SH2B1: variants seen among roughly 807,000 people sequenced by gnomAD.
SH2B1 encodes SH2B adapter protein 1.
Under a neutral mutation model 62.6 loss-of-function variants are expected in SH2B1, and 15 were observed. That is an observed-to-expected ratio of 0.24 (90% CI 0.16 to 0.37). SH2B1 has a LOEUF of 0.37. Ranked by LOEUF, SH2B1 falls within the 10% of genes least tolerant of loss-of-function variation. The probability of loss-of-function intolerance (pLI) is 1.00; values close to 1 mark genes in which losing one functional copy is unlikely to be tolerated. For missense variants in SH2B1, 925 were observed against 1,015.6 expected (o/e 0.91, Z 1.21); for synonymous variants, 443 against 438.0 (o/e 1.01, Z -0.14).
At chr16:28,871,502 C>T (rs1037622033) in intron 4 of SH2B1, among the ~76,000 whole-genome samples, 5 of 152,206 alleles carry the variant, frequency 3.3e-5, no homozygotes, top group African/African-American at 7.2e-5. Flanking sequence ...TTCTGCTCTC[C>T]GTTTCTGCAA....
chr16:28,870,812 G>C (rs553798346), intron 4 of SH2B1, among the ~76,000 whole-genome samples: 1 of 152,028 alleles, frequency 6.6e-6, no homozygotes, highest in African/African-American at 2.4e-5. Flanking sequence ...GCGGCTTAAG[G>C]TGCTGGGACC....
At chr16:28,871,675 C>A in intron 4 of SH2B1, 105 bp from the exon 5 acceptor site, 1 of 892,176 alleles carries the variant, frequency 1.1e-6, no homozygotes, top group Non-Finnish European at 1.8e-6. Flanking sequence ...GGCATCTTGG[C>A]CAGCGACTGC....
rs377480680 is a variant in SH2B1 at position 28,873,197 on chromosome 16, G to A, written c.1898-250G>A. On this transcript the variant is annotated intron_variant, in intron 7 of 7. Coordinates refer to ENST00000684370, the MANE Select transcript of SH2B1 (RefSeq NM_001387430.1). The surrounding 1 kb of genome is among the most constrained non-coding windows in gnomAD (Gnocchi z 4.2). ...CGGGAGCAGGCTGGGAGCCATGCGG[G>A]GGTGTGCGAGGGAGATGGATGCCAC... The A allele has an allele frequency of 1.3e-6, 2 of 1,594,956 alleles. No individual in the cohort carries two copies. The highest frequency in any genetic ancestry group is 1.7e-6 in the Non-Finnish European group (2 of 1,174,924).
In SH2B1 at chr16:28,866,510, C is replaced by T. The variant is rs151165842; in HGVS notation, c.416C>T (p.Ser139Phe). ...LAGPLPSSVSSSSTTSSKPKL... is the reference protein window; with the variant it reads ...LAGPLPSSVSFSSTTSSKPKL... ...GGCCCCCTCCCTTCCTCAGTCTCTT[C>T]CTCCTCTACAACCTCCTCCAAGCCG... Residue 139 changes from serine (S) to phenylalanine (F), a missense_variant, in exon 1 of 8, where the codon TCC becomes TTC. Transcript: ENST00000684370. The surrounding 1 kb of genome is among the most constrained non-coding windows in gnomAD (Gnocchi z 6.3). The T allele has an allele frequency of 1.2e-6, 2 of 1,614,086 alleles. No individual in the cohort carries two copies. The highest frequency in any genetic ancestry group is 1.7e-6 in the Non-Finnish European group (2 of 1,180,022).
upstream of SH2B1, chr16:28,863,446 G>T: frequency 2.1e-6 from 1 of 477,276 alleles, no homozygotes; most frequent in South Asian, 2.9e-5. Flanking sequence ...CCTCCACAGC[G>T]GGGCCGGCGC....
At position 28,866,620 on chromosome 16, in the gene SH2B1, G is replaced by A. The variant is rs138441301; in HGVS notation, c.526G>A (p.Val176Ile). The A allele has an allele frequency of 1.6e-5, 26 of 1,613,658 alleles. 1 individual carries two copies. The highest frequency in any genetic ancestry group is 5.3e-5 in the African/African-American group (4 of 75,010). ...VRGILQWRGT[V>I]DPPSSAGPLE... Reference sequence around the variant, plus strand: ...TGGCATCCTGCAGTGGCGGGGGACCGTTGACCCTCCCTCCTCCGCTGGGCC... The same window carrying A: ...TGGCATCCTGCAGTGGCGGGGGACCATTGACCCTCCCTCCTCCGCTGGGCC... Residue 176 changes from valine to isoleucine, a missense_variant, in exon 1 of 8, where the codon GTT becomes ATT. This residue lies in a region of SH2B1 where 683 missense variants were observed against 704.0 expected (regional missense o/e 0.97). Transcript: ENST00000684370. This position sits in a 1 kb window ranked among gnomAD's most constrained non-coding sequence, Gnocchi z 6.3.
chr16:28,858,138 A>C (rs955511144), intron 1 of SH2B1, among the ~76,000 whole-genome samples: 2 of 152,134 alleles, frequency 1.3e-5, no homozygotes, highest in Admixed American at 6.5e-5. Context: ...CCAACCCTCT[A>C]ATCACAAGGT....
chr16:28,864,184 C>T lies in SH2B1; in HGVS notation c.-1911C>T, dbSNP rs1379471586. Reference sequence around the variant, plus strand: ...GGATCGGAGTATATGGACCACCGGGCCCGGAGGGTCCGAGCCGAGAGCGGA... The same window carrying T: ...GGATCGGAGTATATGGACCACCGGGTCCGGAGGGTCCGAGCCGAGAGCGGA... On this transcript the variant is annotated 5_prime_UTR_variant, in exon 1 of 8. Transcript: ENST00000684370. 3.6e-5 allele frequency: 38 copies of T among 1,061,672 alleles called. No individual in the cohort carries two copies. In the South Asian group the frequency reaches 8.1e-4, roughly 23 times the overall value. The allele number at this position is 1,061,672 out of a possible 1,614,324, so 65.8% of individuals were successfully genotyped here.
chr16:28,852,343 C>CATAT lies in SH2B1; in HGVS notation c.-301+5521_-301+5524dup, dbSNP rs371393867. 6.8e-5 allele frequency among the ~76,000 whole-genome samples: 2 copies of CATAT among 29,550 alleles called. 1 individual carries two copies. The allele number at this position is 29,550 out of a possible 152,430, so 19.4% of individuals were successfully genotyped here. A position where few individuals can be genotyped will look rare whatever the true frequency, so the allele number is the denominator to read the frequency against. ...ATATATATATTTACATATATATTTA[C>CATAT]ATATATATTTATATATATATTTATA... On this transcript the variant is annotated intron_variant, in intron 1 of 10. Transcript: ENST00000322610.
chr16:28,864,291 T>G lies in SH2B1; in HGVS notation c.-1804T>G. ...GGTGCACCGGGAAAATGTGTCTGAG[T>G]CCTGCTTGGCAGAAGAGAAACTGAG... On this transcript the variant is annotated 5_prime_UTR_variant, in exon 1 of 8. Transcript: ENST00000684370. The G allele has an allele frequency of 1.0e-6, 1 of 999,236 alleles. No individual in the cohort carries two copies. The highest frequency in any genetic ancestry group is 1.2e-6 in the Non-Finnish European group (1 of 838,336). 61.9% of individuals were successfully genotyped at this position (999,236 alleles called of 1,614,324 possible). A position where few individuals can be genotyped will look rare whatever the true frequency, so the allele number is the denominator to read the frequency against.
In SH2B1 at chr16:28,865,976, G is replaced by GT. The variant is rs1962660571; in HGVS notation, c.-118dup. On this transcript the variant is annotated 5_prime_UTR_variant, in exon 1 of 8. An upstream open reading frame in the 5' UTR loses its in-frame stop. Coordinates refer to ENST00000684370, the MANE Select transcript of SH2B1 (RefSeq NM_001387430.1). ...TGCAGCCTCCGGTGCGCCCTCAGCA[G>GT]TGACCCTCGTGTGTGCCTCTCTCTT... is the stretch of plus-strand genomic sequence containing the variant. 6.7e-7 allele frequency: 1 copy of GT among 1,487,380 alleles called. No individual in the cohort carries two copies. The highest frequency in any genetic ancestry group is 2.3e-5 in the East Asian group (1 of 43,372). 92.1% of individuals were successfully genotyped at this position (1,487,380 alleles called of 1,614,324 possible).
chr16:28,864,354 G>A lies in SH2B1; in HGVS notation c.-1741G>A. On this transcript the variant is annotated 5_prime_UTR_variant, in exon 1 of 8. Coordinates refer to ENST00000684370, the MANE Select transcript of SH2B1 (RefSeq NM_001387430.1). The stretch of plus-strand genomic sequence containing the variant: ...GAGTCGCAGGGTCAGCGGGCCTGAA[G>A]GGGGCTGGGTCTGTCTGCGGTGCGG... The A allele has an allele frequency of 1.0e-6, 1 of 993,690 alleles. No homozygotes were observed. Among genetic ancestry groups the A allele is most frequent in the Non-Finnish European group, 1.2e-6 (1 of 834,746 alleles). 61.6% of individuals were successfully genotyped at this position (993,690 alleles called of 1,614,324 possible).
Position 28,872,050 on chromosome 16 carries a change from G to A in SH2B1, c.1513+67G>A. ...CTACCTTCCTGACCACCTCTCCTGGGATCCCGAGGGAGCTGGCCCAGGGGA... is the reference window on the plus strand; with the variant it reads ...CTACCTTCCTGACCACCTCTCCTGGAATCCCGAGGGAGCTGGCCCAGGGGA... On this transcript the variant is annotated intron_variant, in intron 5 of 7. Coordinates refer to ENST00000684370, the MANE Select transcript of SH2B1 (RefSeq NM_001387430.1). The surrounding 1 kb of genome is among the most constrained non-coding windows in gnomAD (Gnocchi z 5.3). 7.5e-7 allele frequency: 1 copy of A among 1,339,172 alleles called. No individual in the cohort carries two copies. Among genetic ancestry groups the A allele is most frequent in the South Asian group, 1.2e-5 (1 of 84,862 alleles). 83.0% of individuals were successfully genotyped at this position (1,339,172 alleles called of 1,614,324 possible).
intron 1 of SH2B1, among the ~76,000 whole-genome samples, chr16:28,857,685 A>G (rs1023085299): frequency 6.6e-6 from 1 of 151,598 alleles, no homozygotes; most frequent in Admixed American, 6.6e-5. Context: ...GTCACCTCCC[A>G]GCACATCAAT....
Position 28,865,738 on chromosome 16 carries a change from A to C in SH2B1, c.-357A>C. 1 of 1,044,360 alleles carries C rather than the reference A, an allele frequency of 9.6e-7. No individual in the cohort carries two copies. The highest frequency in any genetic ancestry group is 1.2e-6 in the Non-Finnish European group (1 of 869,090). 64.7% of individuals were successfully genotyped at this position (1,044,360 alleles called of 1,614,324 possible). On this transcript the variant is annotated 5_prime_UTR_variant, in exon 1 of 8. Coordinates refer to ENST00000684370, the MANE Select transcript of SH2B1 (RefSeq NM_001387430.1). The stretch of plus-strand genomic sequence containing the variant: ...GGAAAAGTTCCCTTTTTTAGGGGGA[A>C]GGTGCTCCAAAGCCCTCTACTGCTG...
intron 1 of SH2B1, among the ~76,000 whole-genome samples, chr16:28,855,830 G>GT (rs1567460763): frequency 8.3e-6 from 1 of 120,380 alleles, no homozygotes; most frequent in African/African-American, 3.1e-5. Context: ...TTTTTTTTTG[G>GT]ATTTTTAGTA....
chr16:28,858,971 T>A (rs1273917657), upstream of SH2B1, among the ~76,000 whole-genome samples: 1 of 151,774 alleles, frequency 6.6e-6, no homozygotes, highest in Non-Finnish European at 1.5e-5. Flanking sequence ...ATCATTTATT[T>A]GGTTTTTTTT....
rs1280282883 is a variant in SH2B1, at chr16:28,865,961, G to T, written c.-134G>T. The stretch of plus-strand genomic sequence containing the variant: ...TGGCTGGGGGTGGGATGCAGCCTCC[G>T]GTGCGCCCTCAGCAGTGACCCTCGT... On this transcript the variant is annotated 5_prime_UTR_variant, in exon 1 of 8. Coordinates refer to ENST00000684370, the MANE Select transcript of SH2B1 (RefSeq NM_001387430.1). 1.4e-6 allele frequency: 2 copies of T among 1,454,992 alleles called. No homozygotes were observed. The highest frequency in any genetic ancestry group is 2.4e-5 in the East Asian group (1 of 41,118). 90.1% of individuals were successfully genotyped at this position (1,454,992 alleles called of 1,614,324 possible).
In SH2B1 at chr16:28,873,161, T is replaced by TC. The variant is rs754438349; in HGVS notation, c.1898-280dup. ...GTCCCATCTGTCCCCACGTTGCCCCTCCCCCCAGGCCGGGAGCAGGCTGGG... is the reference window on the plus strand; with the variant it reads ...GTCCCATCTGTCCCCACGTTGCCCCTCCCCCCCAGGCCGGGAGCAGGCTGGG... On this transcript the variant is annotated intron_variant, in intron 7 of 7. Transcript: ENST00000684370. The surrounding 1 kb of genome is among the most constrained non-coding windows in gnomAD (Gnocchi z 4.2). 1.9e-6 allele frequency: 3 copies of TC among 1,543,168 alleles called. No individual in the cohort carries two copies. The highest frequency in any genetic ancestry group is 1.2e-5 in the South Asian group (1 of 83,604).
Sources: allele counts gnomAD v4.1 joint callset (sites outside exome capture counted in the v4.1 genomes callset), GRCh38; gene constraint gnomAD v4.1.1; regional missense constraint gnomAD v4.1.1; non-coding constraint Gnocchi (gnomAD v3.1); transcripts MANE v1.5; gene names NCBI Gene and HGNC (gene_info 2026-07-23, HGNC 2026-07-21).